The following EMC8 variants were observed in gnomAD, a reference collection of about 807,000 sequenced individuals.
EMC8 encodes ER membrane protein complex subunit 8.
Under a neutral mutation model 24.3 loss-of-function variants are expected in EMC8, and 11 were observed. The observed-to-expected ratio is 0.45, with a 90% confidence interval of 0.28 to 0.75. EMC8 has a LOEUF of 0.75. Ranked by LOEUF, EMC8 falls within the 30% of genes least tolerant of loss-of-function variation. The probability of loss-of-function intolerance (pLI) is 0.12; values close to 1 mark genes in which losing one functional copy is unlikely to be tolerated. For missense variants in EMC8, 277 were observed against 282.7 expected, an observed-to-expected ratio of 0.98 and a Z score of 0.14; for synonymous variants, 145 against 117.7, an observed-to-expected ratio of 1.23 and a Z score of -1.50.
Position 85,799,242 on chromosome 16 carries a change from G to T in EMC8, c.54C>A (p.Gly18=), listed in dbSNP as rs1408439240. Residue 18 remains glycine (G), a synonymous_variant, in exon 1 of 5, where the codon GGC becomes GGA. Transcript: ENST00000253457. This position sits in a 1 kb window ranked among gnomAD's most constrained non-coding sequence, Gnocchi z 4.2. ...TQAYCKMVLH[G]AKYPHCAVNG... is the part of the protein sequence containing the mutation. The stretch of plus-strand genomic sequence containing the variant: ...TGACGGCGCAGTGCGGGTACTTGGC[G>T]CCGTGCAGCACCATCTTGCAGTAGG... 2 of 1,613,012 alleles carry T rather than the reference G, an allele frequency of 1.2e-6. No individual in the cohort carries two copies. Among genetic ancestry groups the T allele is most frequent in the Middle Eastern group, 1.7e-4 (1 of 6,038 alleles).
intron 2 of EMC8, among the ~76,000 whole-genome samples, chr16:85,782,217 AAG>A (rs1904539760): frequency 2.0e-5 from 3 of 152,274 alleles, no homozygotes; most frequent in Admixed American, 2.0e-4. Context: ...TGTAACAAGT[AAG>A]AGCAACCTCA....
chr16:85,779,503 T>C lies in EMC8; in HGVS notation c.*205A>G. 1 of 536,122 alleles carries C rather than the reference T, an allele frequency of 1.9e-6. No individual in the cohort carries two copies. Among genetic ancestry groups the C allele is most frequent in the Non-Finnish European group, 3.4e-6 (1 of 298,062 alleles). 33.2% of individuals were successfully genotyped at this position (536,122 alleles called of 1,614,324 possible). The stretch of plus-strand genomic sequence containing the variant: ...CAACTGAGAGAGTCCACAGGGACAG[T>C]CAGACGGGATGTCTGCACCTCTTCT... On this transcript the variant is annotated 3_prime_UTR_variant, in exon 5 of 5. Transcript: ENST00000253457.
At chr16:85,783,667 G>A (rs531187868) in intron 2 of EMC8, among the ~76,000 whole-genome samples, 7 of 152,300 alleles carry the variant, frequency 4.6e-5, no homozygotes, top group East Asian at 1.9e-4. Context: ...GGGCAATGCT[G>A]TGTCTTCAAT....
At chr16:85,780,603 G>C (rs1904445335) in intron 3 of EMC8, 130 bp from the exon 4 acceptor site, 2 of 662,482 alleles carry the variant, frequency 3.0e-6, no homozygotes, top group African/African-American at 1.8e-5. Flanking sequence ...GACAGAGCCT[G>C]TATGCAGAGT....
intron 1 of EMC8, among the ~76,000 whole-genome samples, chr16:85,789,877 G>A (rs932464931): frequency 2.0e-5 from 3 of 152,134 alleles, no homozygotes; most frequent in Admixed American, 6.6e-5. Context: ...CAGTTGGGGT[G>A]TAGGGTAAAG....
At chr16:85,790,289 C>G (rs1174566575) in intron 1 of EMC8, among the ~76,000 whole-genome samples, 1 of 152,092 alleles carries the variant, frequency 6.6e-6, no homozygotes, top group Non-Finnish European at 1.5e-5. Flanking sequence ...AAGACAGTTA[C>G]AGTCCAAGGG....
intron 2 of EMC8, among the ~76,000 whole-genome samples, chr16:85,785,536 C>T (rs113508393): frequency 6.4e-4 from 98 of 152,306 alleles, no homozygotes; most frequent in African/African-American, 2.3e-3. Context: ...TGCCACTGCA[C>T]TCCAGCCTGG....
At chr16:85,794,001 T>C (rs765773830) in intron 1 of EMC8, among the ~76,000 whole-genome samples, 3 of 152,204 alleles carry the variant, frequency 2.0e-5, no homozygotes, top group East Asian at 1.9e-4. Flanking sequence ...GAATCTAATG[T>C]TGTCCTTTGA....
intron 2 of EMC8, among the ~76,000 whole-genome samples, chr16:85,786,754 T>TCC (rs1260755636): frequency 1.3e-5 from 2 of 151,950 alleles, no homozygotes; most frequent in African/African-American, 4.8e-5. Flanking sequence ...AGAAGGAAGG[T>TCC]ATGGAGAGCA....
chr16:85,782,163 G>C (rs1016570262), intron 2 of EMC8, among the ~76,000 whole-genome samples: 1 of 152,154 alleles, frequency 6.6e-6, no homozygotes, highest in African/African-American at 2.4e-5. Context: ...AAGCCTCCCG[G>C]GCCCGCCTTC....
Position 85,779,809 on chromosome 16 carries a change from G to A in EMC8, c.532C>T (p.Arg178Trp), listed in dbSNP as rs759557061. ...AAATCCACGAGCGTCTCGTAGGACC[G>A]GCTGTCCAGGAGCGAGGCTGAGATC... ...QRISASLLDS[R>W]SYETLVDFDN... is the part of the protein sequence containing the mutation. The change falls in exon 5 of 5, where the codon CGG becomes TGG. Residue 178 changes from arginine to tryptophan, a missense_variant. Arg to Trp is a moderately radical substitution (Grantham distance 101). Coordinates refer to ENST00000253457, the MANE Select transcript of EMC8 (RefSeq NM_006067.5). The A allele has an allele frequency of 6.2e-7, 1 of 1,614,010 alleles. No homozygotes were observed. Among genetic ancestry groups the A allele is most frequent in the Admixed American group, 1.7e-5 (1 of 60,020 alleles).
chr16:85,787,282 C>T (rs1253685176), intron 2 of EMC8, among the ~76,000 whole-genome samples: 1 of 152,168 alleles, frequency 6.6e-6, no homozygotes, highest in Non-Finnish European at 1.5e-5. Flanking sequence ...CAAGGCCCTG[C>T]TCACTCTCGA....
rs966945275 is a variant in EMC8, at chr16:85,781,316, G to A, written c.309-36C>T. 3.1e-6 allele frequency: 4 copies of A among 1,308,342 alleles called. No individual in the cohort carries two copies. The African/African-American group carries it at 4.3e-5, about 14-fold the overall frequency. The allele number at this position is 1,308,342 out of a possible 1,614,324, so 81.0% of individuals were successfully genotyped here. A position where few individuals can be genotyped will look rare whatever the true frequency, so the allele number is the denominator to read the frequency against. On this transcript the variant is annotated intron_variant, in intron 2 of 4. Transcript: ENST00000253457. ...AATAGGCTACCACATTCCAGTTAAT[G>A]CCATTCAACACTGTTTACAAAAGGC...
intron 1 of EMC8, among the ~76,000 whole-genome samples, chr16:85,798,242 C>A (rs1905353429): frequency 1.3e-5 from 2 of 151,296 alleles, no homozygotes; most frequent in Admixed American, 6.6e-5. Context: ...TTGCCTCAGC[C>A]TCCCGAGTGG....
At chr16:85,797,120 T>C (rs1443455241) in intron 1 of EMC8, among the ~76,000 whole-genome samples, 1 of 152,174 alleles carries the variant, frequency 6.6e-6, no homozygotes, top group Non-Finnish European at 1.5e-5. Context: ...TTAAGATGGT[T>C]GGAAAGGCTG....
In EMC8 at chr16:85,780,511, G is replaced by T. The variant is rs753980708; in HGVS notation, c.379-38C>A. 4.6e-6 allele frequency: 7 copies of T among 1,531,088 alleles called. No individual in the cohort carries two copies. In the East Asian group the frequency reaches 1.4e-4, roughly 30 times the overall value. The allele number at this position is 1,531,088 out of a possible 1,614,324, so 94.8% of individuals were successfully genotyped here. A position where few individuals can be genotyped will look rare whatever the true frequency, so the allele number is the denominator to read the frequency against. ...CAAAGGACACGAGAGTGAACAGAAT[G>T]CCAGCCAAACAGCAGCGGCAGGCGC... is the stretch of plus-strand genomic sequence containing the variant. On this transcript the variant is annotated intron_variant, in intron 3 of 4. Transcript: ENST00000253457.
chr16:85,786,159 A>G (rs1904744895), intron 2 of EMC8, among the ~76,000 whole-genome samples: 1 of 152,376 alleles, frequency 6.6e-6, no homozygotes, highest in Middle Eastern at 3.4e-3. Context: ...TCTCTGAGGC[A>G]TGAGCTCAGC....
At chr16:85,788,627 T>C (rs569187047) in intron 2 of EMC8, among the ~76,000 whole-genome samples, 1 of 152,318 alleles carries the variant, frequency 6.6e-6, no homozygotes, top group African/African-American at 2.4e-5. Context: ...AGAGCAACAT[T>C]CCTTCCCAGT....
intron 2 of EMC8, chr16:85,781,742 C>A: frequency 6.1e-6 from 1 of 163,326 alleles, no homozygotes; most frequent in South Asian, 1.6e-4. Context: ...CCACTGTGCC[C>A]AGCCTACTTA....
Sources: gnomAD v4.1 joint callset for allele counts (sites outside exome capture counted in the v4.1 genomes callset) on GRCh38, gnomAD v4.1.1 for gene constraint, Gnocchi (gnomAD v3.1) non-coding constraint, MANE v1.5 for transcripts, NCBI Gene and HGNC (gene_info 2026-07-23, HGNC 2026-07-21) for gene names.